The following NSUN6 variants were observed in gnomAD, a reference collection of about 807,000 sequenced individuals.
The protein encoded by NSUN6 is tRNA (cytosine(72)-C(5))-methyltransferase NSUN6.
NSUN6 carries 64 observed loss-of-function variants against 58.0 expected under a neutral mutation model. That is an observed-to-expected ratio of 1.10 (90% CI 0.90 to 1.36). The LOEUF (loss-of-function observed/expected upper bound fraction) is 1.36. Ranked by LOEUF, NSUN6 falls within the 40% of genes most tolerant of loss-of-function variation. NSUN6 has a pLI of 0.00. For synonymous variants in NSUN6, 231 were observed against 193.9 expected (o/e 1.19, Z -1.59); for missense variants, 701 against 550.1 (o/e 1.27, Z -2.74).
intron 3 of NSUN6, among the ~76,000 whole-genome samples, chr10:18,637,531 C>G (rs754773448): frequency 6.6e-6 from 1 of 152,216 alleles, no homozygotes; most frequent in Non-Finnish European, 1.5e-5. Flanking sequence ...CTCTCATATA[C>G]TGCTGAAACA....
At chr10:18,594,781 A>G (rs537071466) in intron 7 of NSUN6, among the ~76,000 whole-genome samples, 5 of 152,222 alleles carry the variant, frequency 3.3e-5, no homozygotes, top group Admixed American at 3.3e-4. Flanking sequence ...CAATTCTTCA[A>G]CTTTCCATGT....
At chr10:18,619,026 G>T (rs1435969888) in intron 3 of NSUN6, among the ~76,000 whole-genome samples, 4 of 152,152 alleles carry the variant, frequency 2.6e-5, no homozygotes, top group African/African-American at 9.7e-5. Flanking sequence ...GAAGAAAACT[G>T]TTTTTATAGT....
At chr10:18,630,582 A>C (rs999432707) in intron 3 of NSUN6, among the ~76,000 whole-genome samples, 1 of 152,204 alleles carries the variant, frequency 6.6e-6, no homozygotes, top group Non-Finnish European at 1.5e-5. Context: ...TATCACCACC[A>C]ATCCCACAGA....
At chr10:18,572,560 C>T (rs544273660) in intron 8 of NSUN6, among the ~76,000 whole-genome samples, 1 of 150,912 alleles carries the variant, frequency 6.6e-6, no homozygotes, top group South Asian at 2.1e-4. Flanking sequence ...CCATTCCATT[C>T]TCCATTCCTT....
At chr10:18,632,424 G>C (rs370878942) in intron 3 of NSUN6, among the ~76,000 whole-genome samples, 3 of 143,712 alleles carry the variant, frequency 2.1e-5, no homozygotes. Context: ...TTAAACTAAA[G>C]AGCTTCTGCA....
At position 18,651,455 on chromosome 10, in the gene NSUN6, C is replaced by T; in HGVS notation, c.-252G>A. On this transcript the variant is annotated 5_prime_UTR_variant, in exon 1 of 11. Coordinates refer to ENST00000377304, the MANE Select transcript of NSUN6 (RefSeq NM_182543.5). ...TTCTGGTAGAGATGCTCATGGAAAT[C>T]ACTGAGCCAATGCCACTCACGTTGC... The T allele has an allele frequency of 8.4e-7, 1 of 1,195,082 alleles. No homozygotes were observed. Among genetic ancestry groups the T allele is most frequent in the South Asian group, 3.3e-5 (1 of 30,026 alleles). The allele number at this position is 1,195,082 out of a possible 1,614,324, so 74.0% of individuals were successfully genotyped here. A position where few individuals can be genotyped will look rare whatever the true frequency, so the allele number is the denominator to read the frequency against.
chr10:18,646,162 T>C (rs1408400752), intron 2 of NSUN6, among the ~76,000 whole-genome samples: 1 of 152,086 alleles, frequency 6.6e-6, no homozygotes, highest in Non-Finnish European at 1.5e-5. Context: ...ACCACTGCAC[T>C]CCAGCCTGAG....
At chr10:18,551,444 T>C (rs908020504) in intron 9 of NSUN6, among the ~76,000 whole-genome samples, 4 of 152,162 alleles carry the variant, frequency 2.6e-5, no homozygotes, top group Non-Finnish European at 1.5e-5. Context: ...CATTAAACAA[T>C]AGCTCCTCAA....
chr10:18,628,387 G>A (rs1281598979), intron 3 of NSUN6, among the ~76,000 whole-genome samples: 2 of 152,174 alleles, frequency 1.3e-5, no homozygotes, highest in Non-Finnish European at 2.9e-5. Flanking sequence ...CACCAGCAAT[G>A]GAACAAAGCT....
chr10:18,614,460 T>C lies in NSUN6; in HGVS notation c.575A>G (p.Lys192Arg). The C allele has an allele frequency of 1.3e-6, 2 of 1,516,058 alleles. No homozygotes were observed. Among genetic ancestry groups the C allele is most frequent in the Non-Finnish European group, 8.8e-7 (1 of 1,133,548 alleles). 93.9% of individuals were successfully genotyped at this position (1,516,058 alleles called of 1,614,324 possible). A position where few individuals can be genotyped will look rare whatever the true frequency, so the allele number is the denominator to read the frequency against. Reference sequence around the variant, plus strand: ...TTCCCCAAAGCACCTGATGACATACTTCAGTTCAGGTAATCCACTGAAGAT... The same window carrying C: ...TTCCCCAAAGCACCTGATGACATACCTCAGTTCAGGTAATCCACTGAAGAT... Reference protein sequence around the residue: ...KEIFSGLPELKGMGIRMTEPV... With the variant: ...KEIFSGLPELRGMGIRMTEPV... Residue 192 changes from lysine (K) to arginine (R), a missense_variant and splice_region_variant, in exon 5 of 11, where the codon AAA (lysine) becomes AGA (arginine). Transcript: ENST00000377304.
Position 18,640,098 on chromosome 10 carries a change from A to T in NSUN6, c.311+2378T>A, listed in dbSNP as rs535561685. On this transcript the variant is annotated intron_variant, in intron 3 of 10. Transcript: ENST00000377304. ...GTTCATGCAGCCATTAAAAAGAATG[A>T]AATAGTGTTACATAATCGTGGAACG... is the stretch of plus-strand genomic sequence containing the variant. 3.3e-5 allele frequency among the ~76,000 whole-genome samples: 5 copies of T among 152,386 alleles called. No individual in the cohort carries two copies. The South Asian group carries it at 1.0e-3, about 32-fold the overall frequency.
At position 18,650,452 on chromosome 10, in the gene NSUN6, G is replaced by A. The variant is rs75716656; in HGVS notation, c.75+677C>T. On this transcript the variant is annotated intron_variant, in intron 1 of 10. Transcript: ENST00000377304. ...TTAATATCCTAAAACAACCTGGCAAGATATTTTTAACCATTCTCAATTTTT... is the reference window on the plus strand; with the variant it reads ...TTAATATCCTAAAACAACCTGGCAAAATATTTTTAACCATTCTCAATTTTT... 5.8e-3 allele frequency among the ~76,000 whole-genome samples: 882 copies of A among 152,304 alleles called. 27 individuals are homozygous for A. The highest frequency in any genetic ancestry group is 0.052 in the Admixed American group (797 of 15,294).
intron 10 of NSUN6, among the ~76,000 whole-genome samples, chr10:18,546,679 A>T (rs1484223472): frequency 6.6e-6 from 1 of 152,088 alleles, no homozygotes. Context: ...GGAGTTCAAG[A>T]CCAGCCTGGC....
upstream of NSUN6, chr10:18,652,157 C>G: frequency 1.0e-6 from 1 of 985,318 alleles, no homozygotes; most frequent in African/African-American, 1.7e-5. Context: ...AGTTATAAGG[C>G]TAACTGCTAC....
At position 18,633,510 on chromosome 10, in the gene NSUN6, A is replaced by G. The variant is rs533878973; in HGVS notation, c.311+8966T>C. Among the ~76,000 whole-genome samples the G allele has an allele frequency of 2.0e-4, 31 of 152,306 alleles. No individual in the cohort carries two copies. In the South Asian group the frequency reaches 6.0e-3, roughly 30 times the overall value. ...AAACAGCTATAATCCCGATGATGAG[A>G]AATAACCGGCTGACAGTGAAATTTG... On this transcript the variant is annotated intron_variant, in intron 3 of 10. Coordinates refer to ENST00000377304, the MANE Select transcript of NSUN6 (RefSeq NM_182543.5).
At chr10:18,608,740 G>A (rs2058127120) in intron 6 of NSUN6, among the ~76,000 whole-genome samples, 1 of 151,984 alleles carries the variant, frequency 6.6e-6, no homozygotes, top group African/African-American at 2.4e-5. Context: ...TGGAAGGAGT[G>A]CAGGTATCAC....
chr10:18,640,186 A>G (rs2059348749), intron 3 of NSUN6, among the ~76,000 whole-genome samples: 1 of 152,174 alleles, frequency 6.6e-6, no homozygotes, highest in African/African-American at 2.4e-5. Flanking sequence ...AATCTTTTCT[A>G]TTTTCTAAAA....
chr10:18,625,241 C>T (rs975073207), intron 3 of NSUN6, among the ~76,000 whole-genome samples: 2 of 152,162 alleles, frequency 1.3e-5, no homozygotes, highest in African/African-American at 4.8e-5. Flanking sequence ...TAGCCAATCA[C>T]TAAACCTGAG....
chr10:18,653,653 G>A (rs932672071), upstream of NSUN6, among the ~76,000 whole-genome samples: 14 of 152,154 alleles, frequency 9.2e-5, no homozygotes, highest in Non-Finnish European at 1.6e-4. Flanking sequence ...GATTACAGGC[G>A]TGAGCCACCA....
Sources: allele counts gnomAD v4.1 joint callset (sites outside exome capture counted in the v4.1 genomes callset), GRCh38; gene constraint gnomAD v4.1.1; transcripts MANE v1.5; gene names NCBI Gene and HGNC (gene_info 2026-07-23, HGNC 2026-07-21).